Variants in ANKS1B observed in about 807,000 individuals in gnomAD.
ANKS1B encodes ankyrin repeat and sterile alpha motif domain-containing protein 1B.
ANKS1B carries 36 observed loss-of-function variants against 148.3 expected under a neutral mutation model. That is an observed-to-expected ratio of 0.24 (90% CI 0.19 to 0.32). The LOEUF is 0.32. ANKS1B is among the 10% of genes least tolerant of loss of function. The pLI, the probability that ANKS1B is intolerant of heterozygous loss-of-function variation, is 1.00. For missense variants in ANKS1B, 1,157 were observed against 1,542.6 expected (o/e 0.75, Z 4.19); for synonymous variants, 542 against 560.8 (o/e 0.97, Z 0.47).
At chr12:99,778,656 A>C (rs899875488) in intron 6 of ANKS1B, among the ~76,000 whole-genome samples, 1 of 152,298 alleles carries the variant, frequency 6.6e-6, no homozygotes, top group African/African-American at 2.4e-5. Flanking sequence ...TAATTTATAT[A>C]AAAGGCTATG....
chr12:99,585,903 T>C (rs941301967), intron 9 of ANKS1B, among the ~76,000 whole-genome samples: 1 of 152,152 alleles, frequency 6.6e-6, no homozygotes, highest in Non-Finnish European at 1.5e-5. Context: ...CATTTTTTCC[T>C]CCTGTCTCTG....
At chr12:99,004,598 T>G (rs2099935016) in intron 17 of ANKS1B, among the ~76,000 whole-genome samples, 2 of 144,904 alleles carry the variant, frequency 1.4e-5, no homozygotes. Flanking sequence ...TGAGAAAGGG[T>G]GGAGAAATGA....
chr12:99,322,522 A>T (rs1406876859), intron 12 of ANKS1B, among the ~76,000 whole-genome samples: 2 of 152,036 alleles, frequency 1.3e-5, no homozygotes, highest in African/African-American at 2.4e-5. Context: ...AGTACAAAAG[A>T]TATGTCTCAT....
At chr12:99,134,690 C>T (rs1030738177) in intron 15 of ANKS1B, among the ~76,000 whole-genome samples, 10 of 131,580 alleles carry the variant, frequency 7.6e-5, no homozygotes, top group African/African-American at 2.6e-4. Context: ...CACACACACA[C>T]ACACACACAC....
In ANKS1B at chr12:98,790,071, T is replaced by C. The variant is rs77614540; in HGVS notation, c.3343-7934A>G. Among the ~76,000 whole-genome samples, 205 of 152,360 alleles carry C rather than the reference T, an allele frequency of 1.3e-3. 1 individual carries two copies. The highest frequency in any genetic ancestry group is 4.7e-3 in the African/African-American group (196 of 41,592). ...AGAAGTGAACAGTAATGAACGTGTA[T>C]TGCTTTTGTAATAAAATTTTAAAAA... On this transcript the variant is annotated intron_variant, in intron 22 of 26. Transcript: ENST00000683438.
At chr12:99,481,417 T>C (rs868452706) in intron 10 of ANKS1B, among the ~76,000 whole-genome samples, 1 of 151,426 alleles carries the variant, frequency 6.6e-6, no homozygotes, top group South Asian at 2.1e-4. Context: ...TTTTATATAC[T>C]ACATTTTCTT....
At chr12:98,800,504 A>G (rs2098992998) in intron 21 of ANKS1B, among the ~76,000 whole-genome samples, 1 of 151,990 alleles carries the variant, frequency 6.6e-6, no homozygotes, top group Non-Finnish European at 1.5e-5. Flanking sequence ...AATTATAATT[A>G]ATTCCCCTCT....
At chr12:99,723,841 C>A (rs936747720) in intron 8 of ANKS1B, among the ~76,000 whole-genome samples, 4 of 152,038 alleles carry the variant, frequency 2.6e-5, no homozygotes, top group African/African-American at 9.7e-5. Flanking sequence ...TGGCTCCAGG[C>A]ACAGGAGCGA....
At chr12:99,790,493 A>G (rs1232555093) in intron 4 of ANKS1B, among the ~76,000 whole-genome samples, 1 of 152,166 alleles carries the variant, frequency 6.6e-6, no homozygotes, top group Non-Finnish European at 1.5e-5. Flanking sequence ...TGTGAAAACT[A>G]CTTTTATCTT....
chr12:99,219,672 A>T (rs2084783112), intron 14 of ANKS1B, among the ~76,000 whole-genome samples: 1 of 152,196 alleles, frequency 6.6e-6, no homozygotes, highest in Admixed American at 6.5e-5. Context: ...TCTCCAAGCA[A>T]TGCCTAGTTT....
intron 17 of ANKS1B, among the ~76,000 whole-genome samples, chr12:98,889,785 T>C (rs1048807917): frequency 6.6e-6 from 1 of 152,232 alleles, no homozygotes; most frequent in African/African-American, 2.4e-5. Flanking sequence ...TTATTATCTG[T>C]TTTTGGTTTT....
rs150814049 is a variant in ANKS1B, at chr12:99,766,852, G to C, written c.1128+6070C>G. On this transcript the variant is annotated intron_variant, in intron 8 of 26. Transcript: ENST00000683438. ...ATTCTCTAAATCTGATGGAAATTGG[G>C]TAAGATAGCCACGAAGCTCTCTCCA... Among the ~76,000 whole-genome samples, 940 of 152,172 alleles carry C rather than the reference G, an allele frequency of 6.2e-3. 4 individuals carry two copies. The highest frequency in any genetic ancestry group is 0.019 in the South Asian group (92 of 4,818).
At chr12:99,821,583 G>A (rs989641165) in intron 2 of ANKS1B, among the ~76,000 whole-genome samples, 3 of 151,840 alleles carry the variant, frequency 2.0e-5, no homozygotes, top group Non-Finnish European at 4.4e-5. Context: ...TGAAAATGAA[G>A]GAGGGATATG....
chr12:99,642,986 A>T (rs2098325437), intron 9 of ANKS1B, among the ~76,000 whole-genome samples: 1 of 151,514 alleles, frequency 6.6e-6, no homozygotes, highest in Non-Finnish European at 1.5e-5. Flanking sequence ...TACATTGGGC[A>T]CACATTGATA....
intron 17 of ANKS1B, among the ~76,000 whole-genome samples, chr12:98,963,538 T>C (rs2099875358): frequency 6.6e-6 from 1 of 152,138 alleles, no homozygotes; most frequent in Non-Finnish European, 1.5e-5. Flanking sequence ...GACTTAAATC[T>C]AAGACTTCAA....
At chr12:98,764,896 T>C (rs2098460441) in intron 25 of ANKS1B, among the ~76,000 whole-genome samples, 1 of 152,210 alleles carries the variant, frequency 6.6e-6, no homozygotes, top group Non-Finnish European at 1.5e-5. Context: ...CTTGTGTCCC[T>C]TCATCTCCTG....
chr12:99,983,668 A>G (rs1292461900), intron 1 of ANKS1B, among the ~76,000 whole-genome samples: 4 of 152,350 alleles, frequency 2.6e-5, no homozygotes, highest in Admixed American at 1.3e-4. Flanking sequence ...AAGAGAAGGT[A>G]GGAGCCACCG....
chr12:99,883,689 G>A (rs113420861), intron 1 of ANKS1B, among the ~76,000 whole-genome samples: 242 of 152,246 alleles, frequency 1.6e-3, no homozygotes, highest in African/African-American at 5.0e-3. Context: ...AGGCCAAGGC[G>A]GGTGGATCAC....
intron 4 of ANKS1B, among the ~76,000 whole-genome samples, chr12:99,783,190 C>CAAA (rs766608067): frequency 3.2e-5 from 2 of 62,440 alleles, no homozygotes; most frequent in Non-Finnish European, 6.7e-5. Flanking sequence ...GAATCCATCG[C>CAAA]AAAAAAAAAA....
Sources: gnomAD v4.1 joint callset for allele counts (sites outside exome capture counted in the v4.1 genomes callset) on GRCh38, gnomAD v4.1.1 for gene constraint, MANE v1.5 for transcripts, NCBI Gene and HGNC (gene_info 2026-07-23, HGNC 2026-07-21) for gene names.